The following AGAP1 variants were observed in gnomAD, a reference collection of about 807,000 sequenced individuals.
AGAP1 encodes ArfGAP with GTPase domain, ankyrin repeat and PH domain 1.
Under a neutral mutation model 105.3 loss-of-function variants are expected in AGAP1, and 29 were observed. The observed-to-expected ratio is 0.28, with a 90% CI of 0.21 to 0.38. The LOEUF (loss-of-function observed/expected upper bound fraction) is 0.38. Among genes scored for constraint, AGAP1 ranks in the 10% least tolerant of loss-of-function variants. AGAP1 has a pLI of 1.00. For synonymous variants in AGAP1, 509 were observed against 485.9 expected, an observed-to-expected ratio of 1.05 and a Z score of -0.63; for missense variants, 998 against 1,165.1, an observed-to-expected ratio of 0.86 and a Z score of 2.09.
chr2:235,774,527 T>A (rs954997915), intron 6 of AGAP1: 5 of 332,510 alleles, frequency 1.5e-5, no homozygotes, highest in Admixed American at 8.9e-5. Flanking sequence ...GCCTAAAAAT[T>A]GCTGATAGGA....
intron 13 of AGAP1, among the ~76,000 whole-genome samples, chr2:236,029,764 G>A (rs997995103): frequency 1.0e-4 from 15 of 147,166 alleles, no homozygotes; most frequent in African/African-American, 3.8e-4. Flanking sequence ...TCTTTCATAG[G>A]GTCTCACTCT....
At position 235,500,023 on chromosome 2, in the gene AGAP1, T is replaced by G. The variant is rs1020663225; in HGVS notation, c.163+5174T>G. 2.6e-5 allele frequency among the ~76,000 whole-genome samples: 4 copies of G among 151,902 alleles called. No individual in the cohort carries two copies. The East Asian group carries it at 7.8e-4, about 30-fold the overall frequency. On this transcript the variant is annotated intron_variant, in intron 1 of 17. Transcript: ENST00000304032. ...GCACAGAAGTTAGGGTTAGACACCT[T>G]TTGGATTTGGTGGGCTGGCTTGGTG...
At position 235,882,159 on chromosome 2, in the gene AGAP1, T is replaced by C. The variant is rs1393827542; in HGVS notation, c.1051-1186T>C. Among the ~76,000 whole-genome samples, 1 of 152,130 alleles carries C rather than the reference T, an allele frequency of 6.6e-6. No individual in the cohort carries two copies. The highest frequency in any genetic ancestry group is 2.4e-5 in the African/African-American group (1 of 41,426). ...ATTTTCATTATTCATAGAAATAATT[T>C]TCTATAATGTCCTGGGGCAAACCAG... On this transcript the variant is annotated intron_variant, in intron 9 of 17. Coordinates refer to ENST00000304032, the MANE Select transcript of AGAP1 (RefSeq NM_001037131.3). This position sits in a 1 kb window ranked among gnomAD's most constrained non-coding sequence, Gnocchi z 4.6.
In AGAP1 at chr2:235,635,481, A is replaced by G. The variant is rs1043838028; in HGVS notation, c.164-73698A>G. ...GTGTGGTGAATTCGTTCTTTTATTC[A>G]TCATCCAAAAAGTTCCATTGTTTGA... is the stretch of plus-strand genomic sequence containing the variant. On this transcript the variant is annotated intron_variant, in intron 1 of 17. Coordinates refer to ENST00000304032, the MANE Select transcript of AGAP1 (RefSeq NM_001037131.3). The surrounding 1 kb of genome is among the most constrained non-coding windows in gnomAD (Gnocchi z 5.3). 3.3e-5 allele frequency among the ~76,000 whole-genome samples: 5 copies of G among 152,154 alleles called. No individual in the cohort carries two copies. Among genetic ancestry groups the G allele is most frequent in the Admixed American group, 1.3e-4 (2 of 15,270 alleles).
At chr2:235,531,270 GC>G (rs2149074314) in intron 1 of AGAP1, among the ~76,000 whole-genome samples, 1 of 152,254 alleles carries the variant, frequency 6.6e-6, no homozygotes, top group South Asian at 2.1e-4. Context: ...CACTTTTGCA[GC>G]CGGCCTCACA....
chr2:236,120,431 C>A lies in AGAP1; in HGVS notation c.2354C>A (p.Ala785Glu), dbSNP rs766225211. The change falls in exon 17 of 18, where the codon GCG (alanine) becomes GAG (glutamate). Residue 785 changes from alanine to glutamate, a missense_variant. Ala to Glu is a moderately radical substitution (Grantham distance 107). This residue lies in a region of AGAP1 where 235 missense variants were observed against 270.7 expected (regional missense o/e 0.87). Transcript: ENST00000304032. This position sits in a 1 kb window ranked among gnomAD's most constrained non-coding sequence, Gnocchi z 6.0. The part of the protein sequence containing the change: ...LACRKGNVVL[A>E]QLLIWYGVDV... The stretch of plus-strand genomic sequence containing the variant: ...TGCCGCAAGGGGAATGTGGTCCTGG[C>A]GCAGCTCCTGATCTGGGTAGGTGGT... The A allele has an allele frequency of 6.2e-7, 1 of 1,611,374 alleles. No individual in the cohort carries two copies. The highest frequency in any genetic ancestry group is 8.5e-7 in the Non-Finnish European group (1 of 1,179,766).
Position 235,994,620 on chromosome 2 carries a change from C to T in AGAP1, c.1645+25997C>T, listed in dbSNP as rs1362218400. ...CATTGTCTTATTCAGTCCCGACTTT[C>T]CCAACGCCTCGCAGCCCGATGATAC... On this transcript the variant is annotated intron_variant, in intron 13 of 17. Transcript: ENST00000304032. The surrounding 1 kb of genome is among the most constrained non-coding windows in gnomAD (Gnocchi z 4.4). Among the ~76,000 whole-genome samples the T allele has an allele frequency of 2.0e-5, 3 of 152,150 alleles. No individual in the cohort carries two copies. The highest frequency in any genetic ancestry group is 7.2e-5 in the African/African-American group (3 of 41,436).
At chr2:235,675,378 A>G (rs1948681762) in intron 1 of AGAP1, among the ~76,000 whole-genome samples, 1 of 152,030 alleles carries the variant, frequency 6.6e-6, no homozygotes, top group African/African-American at 2.4e-5. Flanking sequence ...TTTTTAGTAG[A>G]GACGGGGTTT....
chr2:235,973,232 C>A lies in AGAP1; in HGVS notation c.1645+4609C>A, dbSNP rs1056465941. Among the ~76,000 whole-genome samples the A allele has an allele frequency of 2.6e-5, 4 of 152,088 alleles. No individual in the cohort carries two copies. Among genetic ancestry groups the A allele is most frequent in the Admixed American group, 1.3e-4 (2 of 15,270 alleles). ...GCTGAAGAACAGCCACTTTGTTCTG[C>A]ACCAGATGGCAGAGGGTGTCAGACC... On this transcript the variant is annotated intron_variant, in intron 13 of 17. Coordinates refer to ENST00000304032, the MANE Select transcript of AGAP1 (RefSeq NM_001037131.3). This position sits in a 1 kb window ranked among gnomAD's most constrained non-coding sequence, Gnocchi z 4.7.
At position 235,574,156 on chromosome 2, in the gene AGAP1, C is replaced by T. The variant is rs1304239552; in HGVS notation, c.163+79307C>T. On this transcript the variant is annotated intron_variant, in intron 1 of 17. Transcript: ENST00000304032. This position sits in a 1 kb window ranked among gnomAD's most constrained non-coding sequence, Gnocchi z 5.0. ...CTTCATTAGCAGCACTCAGGCCCAG[C>T]TGGGCATTCAGCTGTGACTGCATTC... Among the ~76,000 whole-genome samples the T allele has an allele frequency of 6.6e-6, 1 of 152,174 alleles. No individual in the cohort carries two copies. The highest frequency in any genetic ancestry group is 1.9e-4 in the East Asian group (1 of 5,186).
At chr2:235,638,002 C>T (rs918530605) in intron 1 of AGAP1, among the ~76,000 whole-genome samples, 3 of 152,166 alleles carry the variant, frequency 2.0e-5, no homozygotes, top group South Asian at 2.1e-4. Flanking sequence ...TATCTTTACT[C>T]GTTCTACTGA....
intron 12 of AGAP1, among the ~76,000 whole-genome samples, chr2:235,944,360 T>C (rs2053398352): frequency 6.6e-6 from 1 of 152,258 alleles, no homozygotes; most frequent in South Asian, 2.1e-4. Flanking sequence ...TTACCAGTTA[T>C]CTTTTTAGGT....
chr2:236,054,051 G>A (rs1338229047), intron 16 of AGAP1, among the ~76,000 whole-genome samples: 1 of 152,148 alleles, frequency 6.6e-6, no homozygotes, highest in African/African-American at 2.4e-5. Flanking sequence ...AATCCACGTG[G>A]GAGAGACTGG....
At chr2:235,687,918 T>TG (rs386392963) in intron 1 of AGAP1, among the ~76,000 whole-genome samples, 3 of 148,304 alleles carry the variant, frequency 2.0e-5, no homozygotes, top group Non-Finnish European at 4.5e-5. Flanking sequence ...TTTTTTTTTT[T>TG]TGAGATGGAG....
At chr2:236,118,836 T>C (rs2059833999) in intron 16 of AGAP1, among the ~76,000 whole-genome samples, 2 of 151,480 alleles carry the variant, frequency 1.3e-5, no homozygotes, top group African/African-American at 4.9e-5. Flanking sequence ...CCACCCTACC[T>C]TTTTTTTTCC....
chr2:236,109,289 G>A lies in AGAP1; in HGVS notation c.2115-10903G>A, dbSNP rs569548216. 9.9e-5 allele frequency among the ~76,000 whole-genome samples: 15 copies of A among 152,278 alleles called. No homozygotes were observed. The highest frequency in any genetic ancestry group is 1.8e-4 in the Non-Finnish European group (12 of 68,036). On this transcript the variant is annotated intron_variant, in intron 16 of 17. Coordinates refer to ENST00000304032, the MANE Select transcript of AGAP1 (RefSeq NM_001037131.3). The surrounding 1 kb of genome is among the most constrained non-coding windows in gnomAD (Gnocchi z 5.4). Reference sequence around the variant, plus strand: ...CTGGTCAGCCTGACCCCGCCCTGCCGAGCACCTCATTCCCGGGCAGCACTT... The same window carrying A: ...CTGGTCAGCCTGACCCCGCCCTGCCAAGCACCTCATTCCCGGGCAGCACTT...
intron 1 of AGAP1, among the ~76,000 whole-genome samples, chr2:235,592,490 G>A (rs1945379465): frequency 6.6e-6 from 1 of 152,182 alleles, no homozygotes; most frequent in South Asian, 2.1e-4. Context: ...GGCTCCAGGA[G>A]AGGCTCATTT....
At chr2:235,618,350 C>A (rs921744145) in intron 1 of AGAP1, among the ~76,000 whole-genome samples, 1 of 152,154 alleles carries the variant, frequency 6.6e-6, no homozygotes, top group South Asian at 2.1e-4. Flanking sequence ...CTTCATCCTA[C>A]TCTACAGAGT....
chr2:235,645,617 T>C (rs1463169284), intron 1 of AGAP1, among the ~76,000 whole-genome samples: 1 of 151,942 alleles, frequency 6.6e-6, no homozygotes, highest in Non-Finnish European at 1.5e-5. Flanking sequence ...GCCCCAGGCC[T>C]GGCAGGGGCA....
Sources: gnomAD v4.1 joint callset for allele counts (sites outside exome capture counted in the v4.1 genomes callset) on GRCh38, gnomAD v4.1.1 for gene constraint, gnomAD v4.1.1 regional missense constraint, Gnocchi (gnomAD v3.1) non-coding constraint, MANE v1.5 for transcripts, NCBI Gene and HGNC (gene_info 2026-07-23, HGNC 2026-07-21) for gene names.